The following HECTD4 variants were observed in gnomAD, a reference collection of about 807,000 sequenced individuals.
HECTD4 encodes the protein probable E3 ubiquitin-protein ligase HECTD4.
Under a neutral mutation model 471.5 loss-of-function variants are expected in HECTD4, and 114 were observed. That is an observed-to-expected ratio of 0.24 (90% confidence interval 0.21 to 0.28). The LOEUF (loss-of-function observed/expected upper bound fraction) is 0.28, where lower values mean the gene tolerates loss of function less well. Among genes scored for constraint, HECTD4 ranks in the 10% least tolerant of loss-of-function variants. The probability of loss-of-function intolerance (pLI) is 1.00; values close to 1 mark genes in which losing one functional copy is unlikely to be tolerated. For synonymous variants in HECTD4, 2,012 were observed against 2,256.0 expected (o/e 0.89, Z 3.07); for missense variants, 3,866 against 5,651.5 (o/e 0.68, Z 10.13).
At chr12:112,263,734 C>T (rs879929548) in intron 17 of HECTD4, among the ~76,000 whole-genome samples, 5,940 of 142,506 alleles carry the variant, frequency 0.042, 279 homozygotes, top group African/African-American at 0.11. Flanking sequence ...TACACACACA[C>T]ACACACACAC....
At position 112,243,326 on chromosome 12, in the gene HECTD4, C is replaced by T. The variant is rs1325752433; in HGVS notation, c.4958+27G>A. 2 of 1,597,082 alleles carry T rather than the reference C, an allele frequency of 1.3e-6. No homozygotes were observed. Among genetic ancestry groups the T allele is most frequent in the African/African-American group, 2.7e-5 (2 of 74,554 alleles). ...ATGGCTCTGACCATTCTAGAAAGGA[C>T]AGTATAAACTAACAGAAACAACTAA... is the stretch of plus-strand genomic sequence containing the variant. On this transcript the variant is annotated intron_variant, in intron 32 of 75. Transcript: ENST00000682272. The surrounding 1 kb of genome is among the most constrained non-coding windows in gnomAD (Gnocchi z 6.6).
At chr12:112,304,320 C>T (rs1007328475) in intron 7 of HECTD4, among the ~76,000 whole-genome samples, 1 of 145,780 alleles carries the variant, frequency 6.9e-6, no homozygotes, top group Non-Finnish European at 1.5e-5. Flanking sequence ...TCAGGGCTCA[C>T]TGTCACCCCA....
intron 44 of HECTD4, among the ~76,000 whole-genome samples, chr12:112,225,833 G>T (rs1168511347): frequency 1.3e-5 from 2 of 152,066 alleles, no homozygotes; most frequent in Non-Finnish European, 2.9e-5. Context: ...TCACTATGTT[G>T]CCCAGGCTGC....
intron 55 of HECTD4, among the ~76,000 whole-genome samples, chr12:112,196,264 A>G (rs1186935436): frequency 1.3e-5 from 2 of 152,246 alleles, no homozygotes; most frequent in African/African-American, 2.4e-5. Flanking sequence ...AATGGCAATT[A>G]AAGAAACAAC....
In HECTD4 at chr12:112,235,813, G is replaced by C; in HGVS notation, c.5445-29C>G. The C allele has an allele frequency of 6.3e-7, 1 of 1,575,434 alleles. No homozygotes were observed. The highest frequency in any genetic ancestry group is 8.6e-7 in the Non-Finnish European group (1 of 1,159,782). On this transcript the variant is annotated intron_variant, in intron 35 of 75. Transcript: ENST00000682272. This position sits in a 1 kb window ranked among gnomAD's most constrained non-coding sequence, Gnocchi z 5.0. ...GGAAAAAAGGAAGAAAAGGTACACA[G>C]TGCTAGAAATGTTGATCTATAGACA...
At chr12:112,350,436 G>A (rs921940763) in intron 1 of HECTD4, among the ~76,000 whole-genome samples, 7 of 152,106 alleles carry the variant, frequency 4.6e-5, no homozygotes, top group Admixed American at 2.0e-4. Context: ...GAGCAGCATC[G>A]TCATGTTCTC....
chr12:112,325,435 GT>G (rs1450877286), intron 1 of HECTD4, among the ~76,000 whole-genome samples: 1 of 152,110 alleles, frequency 6.6e-6, no homozygotes, highest in African/African-American at 2.4e-5. Flanking sequence ...CTATGCCACT[GT>G]TTTTTCAGAA....
chr12:112,367,336 AAGAAAG>A (rs1221674806), intron 1 of HECTD4, among the ~76,000 whole-genome samples: 1 of 151,500 alleles, frequency 6.6e-6, no homozygotes, highest in Non-Finnish European at 1.5e-5. Context: ...GAAAGAAAGA[AAGAAAG>A]AAAGAAAACA....
chr12:112,259,666 TGAA>T (rs2034100887), intron 18 of HECTD4, among the ~76,000 whole-genome samples: 1 of 152,118 alleles, frequency 6.6e-6, no homozygotes. Flanking sequence ...ATTACAGGTA[TGAA>T]CTACTTAGGT....
intron 1 of HECTD4, among the ~76,000 whole-genome samples, chr12:112,359,071 G>A (rs2036401106): frequency 6.6e-6 from 1 of 152,036 alleles, no homozygotes; most frequent in South Asian, 2.1e-4. Context: ...AGCTACTAGG[G>A]AGGCTGAGGC....
At chr12:112,296,217 G>C (rs1490244682) in intron 7 of HECTD4, among the ~76,000 whole-genome samples, 8 of 137,014 alleles carry the variant, frequency 5.8e-5, no homozygotes. Flanking sequence ...GCAGACAGTG[G>C]TAGGTGCAGA....
At chr12:112,301,958 C>T in intron 7 of HECTD4, 1 of 862,264 alleles carries the variant, frequency 1.2e-6, no homozygotes, top group Non-Finnish European at 1.9e-6. Flanking sequence ...GATATTGCCT[C>T]CCCAGTGACA....
chr12:112,369,097 T>G (rs1395732428), intron 1 of HECTD4, among the ~76,000 whole-genome samples: 10 of 152,100 alleles, frequency 6.6e-5, no homozygotes, highest in Admixed American at 6.6e-4. Flanking sequence ...TGCCTATATA[T>G]AGACATGGTC....
intron 62 of HECTD4, among the ~76,000 whole-genome samples, chr12:112,182,437 C>T (rs765385814): frequency 2.7e-5 from 4 of 149,402 alleles, no homozygotes; most frequent in Non-Finnish European, 4.4e-5. Flanking sequence ...CACAAAAGAG[C>T]CACCAGAATG....
At chr12:112,262,515 CAAAAAAAAAA>C (rs758273849) in intron 17 of HECTD4, among the ~76,000 whole-genome samples, 2 of 19,756 alleles carry the variant, frequency 1.0e-4, no homozygotes, top group African/African-American at 1.4e-4. Context: ...GACTCCATCT[CAAAAAAAAAA>C]AAAAAAAAAA....
intron 4 of HECTD4, among the ~76,000 whole-genome samples, chr12:112,312,623 G>A (rs1207459807): frequency 2.0e-5 from 3 of 152,022 alleles, no homozygotes; most frequent in African/African-American, 2.4e-5. Context: ...AGGACAGGAG[G>A]GCTCATTAAC....
At position 112,319,648 on chromosome 12, in the gene HECTD4, T is replaced by A; in HGVS notation, c.272A>T (p.Glu91Val). The stretch of plus-strand genomic sequence containing the variant: ...TCCTCGCAAGGCATTCAGGCGGTAT[T>A]CCAGCAGCCGGGCATAGGCATTGCT... ...NQSNAYARLL[E>V]YRLNALRGLW... Residue 91 changes from glutamate to valine, a missense_variant, in exon 2 of 76, where the codon GAA (glutamate) becomes GTA (valine). Glu to Val is a moderately radical substitution (Grantham distance 121). Transcript: ENST00000682272. The surrounding 1 kb of genome is among the most constrained non-coding windows in gnomAD (Gnocchi z 5.3). 1 of 1,362,500 alleles carries A rather than the reference T, an allele frequency of 7.3e-7. No homozygotes were observed. The highest frequency in any genetic ancestry group is 9.4e-7 in the Non-Finnish European group (1 of 1,061,084). The allele number at this position is 1,362,500 out of a possible 1,614,324, so 84.4% of individuals were successfully genotyped here.
intron 1 of HECTD4, among the ~76,000 whole-genome samples, chr12:112,370,482 GTAGA>G (rs1192447197): frequency 1.3e-5 from 2 of 152,064 alleles, no homozygotes; most frequent in African/African-American, 2.4e-5. Flanking sequence ...AAATAATGTG[GTAGA>G]TATATATATG....
intron 66 of HECTD4, among the ~76,000 whole-genome samples, chr12:112,174,364 C>T (rs2031355843): frequency 6.6e-6 from 1 of 151,336 alleles, no homozygotes; most frequent in Non-Finnish European, 1.5e-5. Context: ...CTCCTGGGTT[C>T]AAGCGATTCT....
Sources: allele counts gnomAD v4.1 joint callset (sites outside exome capture counted in the v4.1 genomes callset), GRCh38; gene constraint gnomAD v4.1.1; non-coding constraint Gnocchi (gnomAD v3.1); transcripts MANE v1.5; gene names NCBI Gene and HGNC (gene_info 2026-07-23, HGNC 2026-07-21).